Variants in RBFOX1 observed in about 807,000 individuals in gnomAD.
The protein encoded by RBFOX1 is RNA binding fox-1 homolog 1, also known as RNA binding protein fox-1 homolog 1.
A neutral mutation model predicts 57.7 loss-of-function variants in RBFOX1; 8 were observed. That is an observed-to-expected ratio of 0.14 (90% confidence interval 0.08 to 0.25). The LOEUF (loss-of-function observed/expected upper bound fraction) is 0.25, where lower values mean the gene tolerates loss of function less well. Ranked by LOEUF, RBFOX1 falls within the 10% of genes least tolerant of loss-of-function variation. The pLI, the probability that RBFOX1 is intolerant of heterozygous loss-of-function variation, is 1.00. For synonymous variants in RBFOX1, 326 were observed against 222.4 expected (o/e 1.47, Z -4.15); for missense variants, 611 against 548.5 (o/e 1.11, Z -1.14).
chr16:5,580,347 A>AT (rs2046623182), intron 2 of RBFOX1, among the ~76,000 whole-genome samples: 1 of 152,214 alleles, frequency 6.6e-6, no homozygotes, highest in Non-Finnish European at 1.5e-5. Context: ...GCTTGTGGGA[A>AT]AACATCCTCA....
intron 1 of RBFOX1, among the ~76,000 whole-genome samples, chr16:6,306,247 C>G (rs1470736102): frequency 2.0e-5 from 3 of 152,086 alleles, no homozygotes; most frequent in Admixed American, 6.5e-5. Context: ...GCTGCAGAAA[C>G]CAATCAAAGG....
At chr16:5,986,960 G>A in intron 4 of RBFOX1, among the ~76,000 whole-genome samples, 1 of 152,212 alleles carries the variant, frequency 6.6e-6, no homozygotes, top group Admixed American at 6.5e-5. Context: ...CTGTTTCCTA[G>A]AGTGGCTAAG....
chr16:5,660,767 T>C (rs1220099393), intron 3 of RBFOX1, among the ~76,000 whole-genome samples: 1 of 152,142 alleles, frequency 6.6e-6, no homozygotes, highest in Non-Finnish European at 1.5e-5. Flanking sequence ...ATGCCTGCTA[T>C]GCCGGAGAGG....
chr16:7,672,228 C>G (rs553103486), intron 13 of RBFOX1, among the ~76,000 whole-genome samples: 1 of 152,274 alleles, frequency 6.6e-6, no homozygotes, highest in African/African-American at 2.4e-5. Flanking sequence ...GAAAAAAAGT[C>G]AACATATTCA....
intron 2 of RBFOX1, among the ~76,000 whole-genome samples, chr16:5,597,512 C>A (rs1268706035): frequency 6.6e-6 from 1 of 151,208 alleles, no homozygotes; most frequent in Non-Finnish European, 1.5e-5. Context: ...CGATTCTCCT[C>A]CCTTAGCCTC....
chr16:6,389,725 G>A (rs2092496831), intron 2 of RBFOX1, among the ~76,000 whole-genome samples: 2 of 152,178 alleles, frequency 1.3e-5, no homozygotes, highest in Admixed American at 1.3e-4. Flanking sequence ...ATTCAGCTCA[G>A]GCTGTAGCCA....
At chr16:6,414,312 C>T (rs750238628) in intron 2 of RBFOX1, among the ~76,000 whole-genome samples, 7 of 152,166 alleles carry the variant, frequency 4.6e-5, no homozygotes, top group Non-Finnish European at 7.3e-5. Flanking sequence ...TATGTATATG[C>T]AATTTCCCAG....
chr16:6,444,809 A>G lies in RBFOX1; in HGVS notation c.-64+127752A>G, dbSNP rs181326779. Reference sequence around the variant, plus strand: ...ACCAAAACTGCTTTTGTTAGTGGGTAAAATGCAGAGATGACCTTCTGAAGG... The same window carrying G: ...ACCAAAACTGCTTTTGTTAGTGGGTGAAATGCAGAGATGACCTTCTGAAGG... On this transcript the variant is annotated intron_variant, in intron 2 of 15. Transcript: ENST00000550418. 3.8e-3 allele frequency among the ~76,000 whole-genome samples: 572 copies of G among 152,282 alleles called. 2 individuals carry two copies. Among genetic ancestry groups the G allele is most frequent in the African/African-American group, 0.013 (526 of 41,556 alleles).
intron 2 of RBFOX1, among the ~76,000 whole-genome samples, chr16:6,432,646 C>T (rs2094132250): frequency 6.6e-6 from 1 of 152,012 alleles, no homozygotes; most frequent in Admixed American, 6.6e-5. Context: ...CGCAGCACTG[C>T]ATTCCAGGCT....
intron 1 of RBFOX1, among the ~76,000 whole-genome samples, chr16:6,201,812 T>C (rs921290037): frequency 6.6e-6 from 1 of 152,182 alleles, no homozygotes; most frequent in Non-Finnish European, 1.5e-5. Flanking sequence ...TTTGTGTCCA[T>C]GATAATTAAA....
chr16:5,297,145 T>C (rs1012377456), intron 1 of RBFOX1, among the ~76,000 whole-genome samples: 6 of 152,342 alleles, frequency 3.9e-5, no homozygotes, highest in African/African-American at 9.6e-5. Flanking sequence ...ATATTCCTTA[T>C]CCATTTATCT....
intron 1 of RBFOX1, among the ~76,000 whole-genome samples, chr16:6,079,387 C>T (rs1306509422): frequency 6.6e-6 from 1 of 152,202 alleles, no homozygotes; most frequent in Non-Finnish European, 1.5e-5. Flanking sequence ...ATATGGCTCA[C>T]TGCAGCCTTG....
At chr16:7,195,357 C>G (rs1350414158) in intron 4 of RBFOX1, among the ~76,000 whole-genome samples, 5 of 152,102 alleles carry the variant, frequency 3.3e-5, no homozygotes, top group African/African-American at 7.2e-5. Context: ...TCACCAATGA[C>G]CTGGTGTGCA....
At chr16:6,278,377 C>CAAAAAAAAAAAAAAAAAAAAAAA (rs57523660) in intron 1 of RBFOX1, among the ~76,000 whole-genome samples, 1 of 28,042 alleles carries the variant, frequency 3.6e-5, no homozygotes, top group Non-Finnish European at 6.1e-5. Flanking sequence ...TAGGACTCAC[C>CAAAAAAAAAAAAAAAAAAAAAAA]AAAAAAAAAA....
chr16:7,422,299 C>G (rs1568806011), intron 4 of RBFOX1, among the ~76,000 whole-genome samples: 1 of 152,092 alleles, frequency 6.6e-6, no homozygotes, highest in Non-Finnish European at 1.5e-5. Context: ...GGCGTCTATA[C>G]CATGCCACCC....
intron 1 of RBFOX1, among the ~76,000 whole-genome samples, chr16:6,305,387 G>C (rs2079374567): frequency 6.6e-6 from 1 of 152,144 alleles, no homozygotes; most frequent in Non-Finnish European, 1.5e-5. Context: ...GCATGACACA[G>C]AGTTAACATG....
intron 4 of RBFOX1, among the ~76,000 whole-genome samples, chr16:7,079,241 C>T (rs999394210): frequency 3.9e-5 from 6 of 152,192 alleles, no homozygotes; most frequent in African/African-American, 1.2e-4. Flanking sequence ...CCCAGTTTTA[C>T]TTGCTCATCA....
At chr16:6,154,965 T>C (rs2096828385) in intron 1 of RBFOX1, among the ~76,000 whole-genome samples, 1 of 152,226 alleles carries the variant, frequency 6.6e-6, no homozygotes, top group African/African-American at 2.4e-5. Context: ...AATGGTTTTG[T>C]TTTTTGTTTT....
chr16:6,774,688 C>T (rs1464827309), intron 3 of RBFOX1, among the ~76,000 whole-genome samples: 1 of 151,970 alleles, frequency 6.6e-6, no homozygotes, highest in Non-Finnish European at 1.5e-5. Flanking sequence ...TTAGCATTAG[C>T]ATTAAAACGA....
Sources: gnomAD v4.1 joint callset for allele counts (sites outside exome capture counted in the v4.1 genomes callset) on GRCh38, gnomAD v4.1.1 for gene constraint, MANE v1.5 for transcripts, NCBI Gene and HGNC (gene_info 2026-07-23, HGNC 2026-07-21) for gene names.